CHD9: variants seen among roughly 807,000 people sequenced by gnomAD.
The protein encoded by CHD9 is chromodomain helicase DNA binding protein 9, also known as ATP-dependent chromatin remodeler CHD9.
In CHD9, 77 loss-of-function variants were observed where a neutral mutation model predicts 316.1. The observed-to-expected ratio is 0.24, with a 90% CI of 0.20 to 0.29. The LOEUF (loss-of-function observed/expected upper bound fraction) is 0.29, where lower values mean the gene tolerates loss of function less well. Among genes scored for constraint, CHD9 ranks in the 10% least tolerant of loss-of-function variants. The probability of loss-of-function intolerance (pLI) is 1.00; values close to 1 mark genes in which losing one functional copy is unlikely to be tolerated. For missense variants in CHD9, 2,763 were observed against 3,438.1 expected (o/e 0.80, Z 4.91); for synonymous variants, 1,129 against 1,158.3 (o/e 0.97, Z 0.51).
intron 2 of CHD9, among the ~76,000 whole-genome samples, chr16:53,206,238 C>T (rs1017185437): frequency 6.6e-6 from 1 of 152,106 alleles, no homozygotes; most frequent in Admixed American, 6.5e-5. Flanking sequence ...TAGGCATGAG[C>T]CACCACACCT....
At chr16:53,173,948 T>C (rs1197601457) in intron 2 of CHD9, among the ~76,000 whole-genome samples, 1 of 152,208 alleles carries the variant, frequency 6.6e-6, no homozygotes, top group Non-Finnish European at 1.5e-5. Context: ...TTAAGTGTTG[T>C]TTTAACTGCA....
At chr16:53,162,112 C>G (rs1279407487) in intron 2 of CHD9, among the ~76,000 whole-genome samples, 2 of 152,188 alleles carry the variant, frequency 1.3e-5, no homozygotes, top group Non-Finnish European at 2.9e-5. Flanking sequence ...CTTCAAATAT[C>G]TCAGCGTACG....
chr16:53,223,079 T>C (rs2047374963), intron 4 of CHD9, among the ~76,000 whole-genome samples: 1 of 152,206 alleles, frequency 6.6e-6, no homozygotes, highest in Admixed American at 6.5e-5. Context: ...TATAGAGTTC[T>C]TTTGAATGAA....
chr16:53,292,118 T>G (rs2054390397), intron 28 of CHD9, among the ~76,000 whole-genome samples: 1 of 152,214 alleles, frequency 6.6e-6, no homozygotes, highest in Admixed American at 6.5e-5. Flanking sequence ...ATCACCTAGT[T>G]TCTACAAAGC....
chr16:53,322,649 A>G (rs1477761656), intron 38 of CHD9, among the ~76,000 whole-genome samples: 1 of 152,082 alleles, frequency 6.6e-6, no homozygotes, highest in Non-Finnish European at 1.5e-5. Context: ...AGTTCACAGT[A>G]TATTAAAATC....
rs2034443998 is a variant in CHD9, at chr16:53,075,456, AC to A, written c.-165+20384del. On this transcript the variant is annotated intron_variant, in intron 1 of 38. Transcript: ENST00000447540. ...GCGGAATGATATGGTTTGGCTCTGT[AC>A]CCCCACCCGAATTTCATCTTGAATT... Among the ~76,000 whole-genome samples, 3 of 152,022 alleles carry A rather than the reference AC, an allele frequency of 2.0e-5. No homozygotes were observed. The South Asian group carries it at 6.2e-4, about 32-fold the overall frequency.
intron 30 of CHD9, 31 bp downstream of exon 30, chr16:53,297,189 G>T: frequency 6.5e-7 from 1 of 1,532,758 alleles, no homozygotes; most frequent in South Asian, 1.2e-5. Context: ...TCCTGGTTTC[G>T]GTCAAAGAAG....
At chr16:53,106,421 C>T (rs2037354053) in intron 1 of CHD9, among the ~76,000 whole-genome samples, 1 of 152,148 alleles carries the variant, frequency 6.6e-6, no homozygotes, top group Non-Finnish European at 1.5e-5. Flanking sequence ...AAGGTATAAA[C>T]ACCACCAACA....
intron 1 of CHD9, among the ~76,000 whole-genome samples, chr16:53,101,169 A>G (rs1392775009): frequency 1.3e-5 from 2 of 152,122 alleles, no homozygotes; most frequent in Non-Finnish European, 2.9e-5. Flanking sequence ...GGTGTACATC[A>G]TCTTATTCCT....
intron 8 of CHD9, among the ~76,000 whole-genome samples, chr16:53,230,817 G>A (rs1036741397): frequency 3.3e-5 from 5 of 152,264 alleles, no homozygotes; most frequent in African/African-American, 1.2e-4. Context: ...GAGTCTGTAC[G>A]AATTGGTGAC....
rs1303403481 is a variant in CHD9, at chr16:53,227,431, C to A, written c.2079C>A (p.Asp693Glu). The A allele has an allele frequency of 1.3e-6, 2 of 1,570,692 alleles. No homozygotes were observed. The highest frequency in any genetic ancestry group is 1.2e-5 in the South Asian group (1 of 84,462). Residue 693 changes from aspartate (D) to glutamate (E), a missense_variant, in exon 6 of 39, where the codon GAC (aspartate) becomes GAA (glutamate). By Grantham distance (45) the Asp-to-Glu change is conservative. Transcript: ENST00000447540. Reference protein sequence around the residue: ...NPSEEDAAIVDKILSSRTVKK... With the variant: ...NPSEEDAAIVEKILSSRTVKK... ...GTGAAGAAGATGCTGCAATTGTAGA[C>A]AAAATTCTATCTTCTAGAACCGTAA...
At chr16:53,189,540 A>G (rs1202323690) in intron 2 of CHD9, among the ~76,000 whole-genome samples, 1 of 151,382 alleles carries the variant, frequency 6.6e-6, no homozygotes, top group Non-Finnish European at 1.5e-5. Context: ...CTCTCTATAT[A>G]TATATGTATT....
intron 2 of CHD9, among the ~76,000 whole-genome samples, chr16:53,201,003 T>A (rs1232781295): frequency 6.6e-6 from 1 of 152,204 alleles, no homozygotes; most frequent in Non-Finnish European, 1.5e-5. Context: ...CCCTATTAGA[T>A]GAATACTGTT....
At chr16:53,299,716 G>C in intron 30 of CHD9, 1 of 256,190 alleles carries the variant, frequency 3.9e-6, no homozygotes, top group Non-Finnish European at 7.6e-6. Flanking sequence ...CATACACTGT[G>C]TGTCCAGGCT....
chr16:53,286,332 T>C lies in CHD9; in HGVS notation c.5178T>C (p.Asp1726=), dbSNP rs773632828. The C allele has an allele frequency of 5.7e-6, 9 of 1,582,068 alleles. No homozygotes were observed. In the South Asian group the frequency reaches 8.9e-5, roughly 16 times the overall value. ...TTGCTGCTGAACAGAGAGCGAATGA[T>C]TATATGGATGGGTATGTGTGTTTCA... The part of the protein sequence containing the change: ...KAVAAEQRAN[D]YMDGDVEDPE... The change falls in exon 26 of 39, where the codon GAT becomes GAC. Residue 1726 remains aspartate (D), a synonymous_variant. Coordinates refer to ENST00000447540, the MANE Select transcript of CHD9 (RefSeq NM_001308319.2).
intron 20 of CHD9, among the ~76,000 whole-genome samples, chr16:53,264,729 C>T (rs190384626): frequency 6.6e-6 from 1 of 152,066 alleles, no homozygotes; most frequent in African/African-American, 2.4e-5. Context: ...ATTATCTGCA[C>T]GGAGACTTGA....
At chr16:53,118,749 A>G (rs1221424404) in intron 1 of CHD9, among the ~76,000 whole-genome samples, 2 of 152,110 alleles carry the variant, frequency 1.3e-5, no homozygotes, top group Non-Finnish European at 2.9e-5. Flanking sequence ...ATGTCTTGAT[A>G]AAACAAGAAT....
intron 2 of CHD9, among the ~76,000 whole-genome samples, chr16:53,179,757 T>C (rs1160779688): frequency 6.6e-6 from 1 of 151,760 alleles, no homozygotes; most frequent in Admixed American, 6.6e-5. Flanking sequence ...ATTAGCCTGG[T>C]GTGGTGGCAC....
rs1353837906 is a variant in CHD9 at position 53,273,715 on chromosome 16, C to T, written c.4807C>T (p.Arg1603Ter). The T allele has an allele frequency of 6.2e-7, 1 of 1,613,146 alleles. No homozygotes were observed. Among genetic ancestry groups the T allele is most frequent in the African/African-American group, 1.3e-5 (1 of 74,874 alleles). Reference sequence around the variant, plus strand: ...TGATATACAAAAAGCAGAATGGCTTCGAAAATATAATCCCGAGCAGCTCCT... The same window carrying T: ...TGATATACAAAAAGCAGAATGGCTTTGAAAATATAATCCCGAGCAGCTCCT... ...SFDIQKAEWL[R>*]KYNPEQLLQD... The change falls in exon 23 of 39, where the codon CGA becomes TGA. Residue 1603 changes from arginine (R) to a stop codon, truncating the protein, a stop_gained. Transcript: ENST00000447540. LOFTEE classifies it high-confidence loss of function.
Sources: gnomAD v4.1 joint callset for allele counts (sites outside exome capture counted in the v4.1 genomes callset) on GRCh38, gnomAD v4.1.1 for gene constraint, MANE v1.5 for transcripts, NCBI Gene and HGNC (gene_info 2026-07-23, HGNC 2026-07-21) for gene names.